COL23A1: variants seen among roughly 807,000 people sequenced by gnomAD.
The protein encoded by COL23A1 is collagen alpha-1(XXIII) chain.
In COL23A1, 97 loss-of-function variants were observed where a neutral mutation model predicts 99.3. The ratio of observed to expected loss-of-function variants is 0.98; its 90% CI spans 0.83 to 1.16. The LOEUF (loss-of-function observed/expected upper bound fraction) is 1.16, where lower values mean the gene tolerates loss of function less well. COL23A1 is among the 50% of genes most tolerant of loss of function. COL23A1 has a pLI of 0.00. For missense variants in COL23A1, 762 were observed against 757.4 expected, an observed-to-expected ratio of 1.01 and a Z score of -0.07; for synonymous variants, 320 against 308.2, an observed-to-expected ratio of 1.04 and a Z score of -0.40.
At chr5:178,458,196 T>G (rs867375768) in intron 2 of COL23A1, among the ~76,000 whole-genome samples, 3 of 4,308 alleles carry the variant, frequency 7.0e-4, no homozygotes, top group African/African-American at 4.7e-3. Flanking sequence ...GGGAACAAAC[T>G]CATTATTTGG....
At chr5:178,570,841 C>T (rs571582424) in intron 1 of COL23A1, among the ~76,000 whole-genome samples, 3 of 151,000 alleles carry the variant, frequency 2.0e-5, no homozygotes, top group South Asian at 2.1e-4. Flanking sequence ...TCAGAGTGTG[C>T]GGAACAGAGG....
Position 178,414,008 on chromosome 5 carries a change from T to A in COL23A1, c.362-107089A>T, listed in dbSNP as rs1388318146. Among the ~76,000 whole-genome samples, 4 of 152,182 alleles carry A rather than the reference T, an allele frequency of 2.6e-5. No homozygotes were observed. The South Asian group carries it at 8.3e-4, about 32-fold the overall frequency. ...GCCCCAAGCATGAAGTCCAAGCTGA[T>A]GTAACCAGCCTGCAGCTGGGGCTAG... On this transcript the variant is annotated intron_variant, in intron 2 of 28. Coordinates refer to ENST00000390654, the MANE Select transcript of COL23A1 (RefSeq NM_173465.4).
chr5:178,275,627 C>T (rs1229004533), intron 5 of COL23A1, among the ~76,000 whole-genome samples: 1 of 152,158 alleles, frequency 6.6e-6, no homozygotes, highest in Non-Finnish European at 1.5e-5. Context: ...CCTGCTGCCT[C>T]AGAATCGCGC....
chr5:178,268,329 G>A (rs1388815369), intron 7 of COL23A1, among the ~76,000 whole-genome samples: 2 of 152,136 alleles, frequency 1.3e-5, no homozygotes, highest in Non-Finnish European at 2.9e-5. Context: ...CCAAGGGGCC[G>A]CAGAGATAGC....
chr5:178,580,196 C>A (rs564414682), intron 1 of COL23A1, among the ~76,000 whole-genome samples: 1 of 152,104 alleles, frequency 6.6e-6, no homozygotes, highest in Non-Finnish European at 1.5e-5. Flanking sequence ...GGTGTGATGG[C>A]GCATGCCTGT....
chr5:178,494,208 T>C (rs1758077764), intron 2 of COL23A1, among the ~76,000 whole-genome samples: 1 of 152,202 alleles, frequency 6.6e-6, no homozygotes, highest in Non-Finnish European at 1.5e-5. Context: ...AACATTCCTC[T>C]GAAAAATGAG....
At chr5:178,241,712 T>C (rs1048368451) in intron 27 of COL23A1, among the ~76,000 whole-genome samples, 6 of 152,208 alleles carry the variant, frequency 3.9e-5, no homozygotes, top group African/African-American at 7.2e-5. Flanking sequence ...GTCTAGGCCC[T>C]GTCCACTTCC....
chr5:178,438,003 T>A (rs1422123402), intron 2 of COL23A1, among the ~76,000 whole-genome samples: 1 of 152,216 alleles, frequency 6.6e-6, no homozygotes, highest in Non-Finnish European at 1.5e-5. Flanking sequence ...GGGCTGCTGC[T>A]TAGGCCTCAA....
chr5:178,546,703 C>T (rs540486919), intron 2 of COL23A1, among the ~76,000 whole-genome samples: 11 of 152,366 alleles, frequency 7.2e-5, no homozygotes, highest in African/African-American at 2.4e-4. Flanking sequence ...GTCCAGGTTT[C>T]TGCCACAGCC....
At chr5:178,393,420 C>T (rs1353099054) in intron 2 of COL23A1, among the ~76,000 whole-genome samples, 5 of 152,192 alleles carry the variant, frequency 3.3e-5, no homozygotes, top group South Asian at 2.1e-4. Context: ...GCAGAGTTTT[C>T]GTTCTGCAAG....
At chr5:178,267,419 A>C in intron 7 of COL23A1, 86 bp from the exon 8 acceptor site, 1 of 1,364,898 alleles carries the variant, frequency 7.3e-7, no homozygotes, top group Non-Finnish European at 1.0e-6. Flanking sequence ...CCAGTGCTTC[A>C]TAGACATGGT....
chr5:178,560,152 C>G (rs1356041231), intron 2 of COL23A1, among the ~76,000 whole-genome samples: 4 of 152,222 alleles, frequency 2.6e-5, no homozygotes, highest in African/African-American at 9.6e-5. Context: ...TCACAGCCAT[C>G]CTGGTCTGCA....
intron 2 of COL23A1, among the ~76,000 whole-genome samples, chr5:178,471,382 C>A (rs912963135): frequency 6.6e-6 from 1 of 152,132 alleles, no homozygotes; most frequent in African/African-American, 2.4e-5. Flanking sequence ...GCTGGGATTA[C>A]AGGCACCCAC....
intron 27 of COL23A1, among the ~76,000 whole-genome samples, chr5:178,240,611 G>A (rs1764342848): frequency 6.6e-6 from 1 of 152,224 alleles, no homozygotes; most frequent in Non-Finnish European, 1.5e-5. Context: ...TGCGGGGCTG[G>A]GCCACCCTGC....
rs116431329 is a variant in COL23A1, at chr5:178,240,345, G to A, written c.1582-1166C>T. 9.7e-3 allele frequency among the ~76,000 whole-genome samples: 1,478 copies of A among 152,160 alleles called. 19 individuals are homozygous for A. Among genetic ancestry groups the A allele is most frequent in the African/African-American group, 0.034 (1,408 of 41,424 alleles). ...GCACCAAAGGGAAGGTGGGGAGGGGGGCAGAATGGAAAGGAAGCAGAAGCG... is the reference window on the plus strand; with the variant it reads ...GCACCAAAGGGAAGGTGGGGAGGGGAGCAGAATGGAAAGGAAGCAGAAGCG... On this transcript the variant is annotated intron_variant, in intron 27 of 28. Transcript: ENST00000390654.
At chr5:178,376,785 G>A (rs966399924) in intron 2 of COL23A1, among the ~76,000 whole-genome samples, 1 of 152,206 alleles carries the variant, frequency 6.6e-6, no homozygotes, top group Admixed American at 6.5e-5. Context: ...CGAAAGTCAT[G>A]CCCTGTTTAC....
chr5:178,487,288 T>TTTTTTTA (rs773272887), intron 2 of COL23A1, among the ~76,000 whole-genome samples: 10 of 116,520 alleles, frequency 8.6e-5, no homozygotes, highest in African/African-American at 3.2e-4. Flanking sequence ...CCAGCCTCAG[T>TTTTTTTA]TTTATTTATT....
At chr5:178,409,008 A>G (rs1205573618) in intron 2 of COL23A1, among the ~76,000 whole-genome samples, 8 of 150,010 alleles carry the variant, frequency 5.3e-5, no homozygotes, top group Non-Finnish European at 1.0e-4. Flanking sequence ...ACACACACAC[A>G]CACACACACA....
intron 1 of COL23A1, among the ~76,000 whole-genome samples, chr5:178,572,356 T>A: frequency 2.0e-5 from 3 of 151,646 alleles, no homozygotes; most frequent in South Asian, 2.1e-4. Flanking sequence ...GAAAAAAAAA[T>A]TTTGAAGAAT....
Sources: gnomAD v4.1 joint callset for allele counts (sites outside exome capture counted in the v4.1 genomes callset) on GRCh38, gnomAD v4.1.1 for gene constraint, MANE v1.5 for transcripts, NCBI Gene and HGNC (gene_info 2026-07-23, HGNC 2026-07-21) for gene names.